ASH1L: variants seen among roughly 807,000 people sequenced by gnomAD.
ASH1L encodes the protein ASH1 like histone lysine methyltransferase.
Under a neutral mutation model 269.0 loss-of-function variants are expected in ASH1L, and 23 were observed. The ratio of observed to expected loss-of-function variants is 0.09; its 90% CI spans 0.06 to 0.12. The LOEUF is 0.12. ASH1L is among the 10% of genes least tolerant of loss of function. ASH1L has a pLI of 1.00. For synonymous variants in ASH1L, 1,187 were observed against 1,253.5 expected (o/e 0.95, Z 1.12); for missense variants, 2,912 against 3,567.8 (o/e 0.82, Z 4.68).
At chr1:155,559,959 G>C (rs888555301) in intron 1 of ASH1L, among the ~76,000 whole-genome samples, 8 of 152,144 alleles carry the variant, frequency 5.3e-5, no homozygotes, top group Admixed American at 5.2e-4. Context: ...ATAGATACTT[G>C]TGCTATATTA....
intron 2 of ASH1L, among the ~76,000 whole-genome samples, chr1:155,493,585 AG>A (rs200778842): frequency 7.2e-5 from 11 of 152,188 alleles, no homozygotes; most frequent in Non-Finnish European, 1.0e-4. Context: ...TTCATTTTTC[AG>A]GGGGGGCATG....
rs1652296630 is a variant in ASH1L, at chr1:155,336,176, A to G, written c.*1484T>C. 1 of 152,626 alleles carries G rather than the reference A, an allele frequency of 6.6e-6. No homozygotes were observed. Among genetic ancestry groups the G allele is most frequent in the Non-Finnish European group, 1.5e-5 (1 of 68,012 alleles). 9.5% of individuals were successfully genotyped at this position (152,626 alleles called of 1,614,324 possible). ...ACACAGAAAGGGGAAAAAGGAAAAAATATTTAATGGAATGGAAGGTGGTCA... is the reference window on the plus strand; with the variant it reads ...ACACAGAAAGGGGAAAAAGGAAAAAGTATTTAATGGAATGGAAGGTGGTCA... On this transcript the variant is annotated 3_prime_UTR_variant, in exon 28 of 28. Coordinates refer to ENST00000392403, the MANE Select transcript of ASH1L (RefSeq NM_018489.3).
chr1:155,342,636 T>C (rs1373376203), intron 24 of ASH1L, among the ~76,000 whole-genome samples: 1 of 152,204 alleles, frequency 6.6e-6, no homozygotes, highest in Admixed American at 6.5e-5. Flanking sequence ...GAGCTTTTAC[T>C]CTAAGCCATA....
At chr1:155,493,007 GACACTC>G (rs1342927224) in intron 2 of ASH1L, among the ~76,000 whole-genome samples, 1 of 151,958 alleles carries the variant, frequency 6.6e-6, no homozygotes, top group Non-Finnish European at 1.5e-5. Flanking sequence ...CTAGAGATAA[GACACTC>G]ACTTTGTTGC....
intron 1 of ASH1L, among the ~76,000 whole-genome samples, chr1:155,531,649 C>CG (rs759819815): frequency 6.6e-6 from 1 of 152,100 alleles, no homozygotes; most frequent in Non-Finnish European, 1.5e-5. Flanking sequence ...ATTTCCCCCC[C>CG]TAAAAATGTA....
rs367644387 is a variant in ASH1L, at chr1:155,361,047, C to T, written c.6687-638G>A. Among the ~76,000 whole-genome samples, 66 of 151,696 alleles carry T rather than the reference C, an allele frequency of 4.4e-4. 1 individual carries two copies. In the South Asian group the frequency reaches 9.0e-3, roughly 21 times the overall value. On this transcript the variant is annotated intron_variant, in intron 12 of 27. Transcript: ENST00000392403. ...CCTGAGGTCGGGAGTTTGAGACCAGCGTGGCCAACAGGGCAAAACCGTCTC... is the reference window on the plus strand; with the variant it reads ...CCTGAGGTCGGGAGTTTGAGACCAGTGTGGCCAACAGGGCAAAACCGTCTC...
chr1:155,350,195 AT>A (rs1447537430), intron 17 of ASH1L, among the ~76,000 whole-genome samples: 1 of 151,754 alleles, frequency 6.6e-6, no homozygotes, highest in Non-Finnish European at 1.5e-5. Context: ...CAATTTTTGT[AT>A]TTTTAATAGA....
At chr1:155,377,838 G>A (rs1008350357) in intron 10 of ASH1L, among the ~76,000 whole-genome samples, 17 of 151,946 alleles carry the variant, frequency 1.1e-4, no homozygotes, top group African/African-American at 2.9e-4. Context: ...TGGCTAATAC[G>A]GTGAAATCCC....
At chr1:155,345,980 C>T (rs540529699) in intron 21 of ASH1L, 8 of 366,854 alleles carry the variant, frequency 2.2e-5, no homozygotes, top group East Asian at 7.5e-5. Context: ...TTCAGGTGCA[C>T]GCCTCCATGC....
chr1:155,531,223 T>C (rs35615695), intron 1 of ASH1L, among the ~76,000 whole-genome samples: 75,895 of 151,940 alleles, frequency 0.5, 23,167 homozygotes, highest in Middle Eastern at 0.68. Flanking sequence ...AAAGAATTGC[T>C]TTTATATTCA....
At chr1:155,454,723 G>A (rs994351835) in intron 4 of ASH1L, among the ~76,000 whole-genome samples, 4 of 152,110 alleles carry the variant, frequency 2.6e-5, no homozygotes, top group Admixed American at 1.3e-4. Flanking sequence ...AGCTGAGATC[G>A]TGACACTGCA....
At chr1:155,380,974 C>T (rs1459184014) in intron 7 of ASH1L, among the ~76,000 whole-genome samples, 1 of 151,862 alleles carries the variant, frequency 6.6e-6, no homozygotes, top group African/African-American at 2.4e-5. Flanking sequence ...TAGTCATGTG[C>T]CAATGTTTTA....
Position 155,363,996 on chromosome 1 carries a change from A to G in ASH1L, c.6687-3587T>C, listed in dbSNP as rs189178019. Among the ~76,000 whole-genome samples the G allele has an allele frequency of 2.4e-3, 354 of 150,136 alleles. 1 individual carries two copies. The highest frequency in any genetic ancestry group is 8.1e-3 in the African/African-American group (328 of 40,676). On this transcript the variant is annotated intron_variant, in intron 12 of 27. Coordinates refer to ENST00000392403, the MANE Select transcript of ASH1L (RefSeq NM_018489.3). ...TCAAAAAAACAAAAACAAAAAACCA[A>G]AAAAAGGTATCTTCTGGCCGGGTGT...
chr1:155,516,806 T>C (rs1296323454), intron 2 of ASH1L, among the ~76,000 whole-genome samples: 1 of 152,092 alleles, frequency 6.6e-6, no homozygotes, highest in Non-Finnish European at 1.5e-5. Context: ...TGTATTTCTA[T>C]ATATTTACAA....
At chr1:155,459,105 CTAT>C (rs1424004941) in intron 4 of ASH1L, among the ~76,000 whole-genome samples, 1 of 151,974 alleles carries the variant, frequency 6.6e-6, no homozygotes, top group Admixed American at 6.6e-5. Context: ...TTAAAAATAA[CTAT>C]TAATAGAGGT....
chr1:155,353,665 C>T (rs1162126835), intron 16 of ASH1L, among the ~76,000 whole-genome samples: 1 of 152,052 alleles, frequency 6.6e-6, no homozygotes, highest in Admixed American at 6.6e-5. Flanking sequence ...TTTGTGAGTA[C>T]AGTGCTAATC....
At chr1:155,551,062 C>G (rs1259195602) in intron 1 of ASH1L, among the ~76,000 whole-genome samples, 1 of 152,098 alleles carries the variant, frequency 6.6e-6, no homozygotes, top group Non-Finnish European at 1.5e-5. Context: ...CTCAAGCAAT[C>G]CCCCCACCTC....
At chr1:155,357,283 C>A in intron 15 of ASH1L, 33 bp downstream of exon 15, 1 of 1,539,826 alleles carries the variant, frequency 6.5e-7, no homozygotes, top group South Asian at 1.1e-5. Flanking sequence ...ATGTAACTTA[C>A]AAAGAACATG....
intron 1 of ASH1L, among the ~76,000 whole-genome samples, chr1:155,529,351 CTTTTT>C (rs35984917): frequency 9.7e-5 from 13 of 134,038 alleles, no homozygotes; most frequent in East Asian, 2.1e-4. Flanking sequence ...TTGCCAGCAT[CTTTTT>C]TTTTTTTTTT....
Sources: allele counts gnomAD v4.1 joint callset (sites outside exome capture counted in the v4.1 genomes callset), GRCh38; gene constraint gnomAD v4.1.1; transcripts MANE v1.5; gene names NCBI Gene and HGNC (gene_info 2026-07-23, HGNC 2026-07-21).